C1D: variants seen among roughly 807,000 people sequenced by gnomAD.
C1D encodes the protein C1D nuclear receptor corepressor.
In C1D, 10 loss-of-function variants were observed where a neutral mutation model predicts 17.5. The observed-to-expected ratio is 0.57, with a 90% confidence interval of 0.35 to 0.97. The LOEUF (loss-of-function observed/expected upper bound fraction) is 0.97, where lower values mean the gene tolerates loss of function less well. C1D is among the 50% of genes least tolerant of loss of function. The pLI is 0.01. For synonymous variants in C1D, 49 were observed against 54.0 expected, an observed-to-expected ratio of 0.91 and a Z score of 0.40; for missense variants, 136 against 160.1, an observed-to-expected ratio of 0.85 and a Z score of 0.81.
intron 4 of C1D, 53 bp from the exon 5 acceptor site, chr2:68,043,106 G>C (rs1671017252): frequency 3.0e-6 from 4 of 1,340,802 alleles, no homozygotes; most frequent in Non-Finnish European, 4.1e-6. Flanking sequence ...CGCCACCACT[G>C]AATTTTATTA....
chr2:68,043,896 T>A (rs1285668025), intron 4 of C1D, among the ~76,000 whole-genome samples: 2 of 152,206 alleles, frequency 1.3e-5, no homozygotes, highest in Non-Finnish European at 2.9e-5. Context: ...TCTGTCTGAA[T>A]AAAAAAGCAC....
intron 1 of C1D, 58 bp downstream of exon 1, chr2:68,062,900 G>A (rs928685643): frequency 1.3e-5 from 2 of 152,258 alleles, no homozygotes; most frequent in African/African-American, 4.8e-5. Flanking sequence ...CCCAGGAGAG[G>A]AAAAGCGGAG....
chr2:68,062,031 TAC>T (rs1472945546), intron 1 of C1D, among the ~76,000 whole-genome samples: 3 of 152,276 alleles, frequency 2.0e-5, no homozygotes, highest in African/African-American at 4.8e-5. Context: ...GAATCAAAAA[TAC>T]AGAGTTAAAT....
intron 1 of C1D, among the ~76,000 whole-genome samples, chr2:68,058,850 G>A (rs1671536928): frequency 6.6e-6 from 1 of 152,122 alleles, no homozygotes. Flanking sequence ...TGGAGCTACC[G>A]AACATGGGGC....
chr2:68,044,380 T>C (rs906218296), intron 4 of C1D, among the ~76,000 whole-genome samples: 2 of 152,200 alleles, frequency 1.3e-5, no homozygotes, highest in African/African-American at 4.8e-5. Flanking sequence ...GCAAATAAGT[T>C]TCCTATCATA....
chr2:68,050,592 G>A (rs1012134767), intron 1 of C1D, among the ~76,000 whole-genome samples: 2 of 152,088 alleles, frequency 1.3e-5, no homozygotes, highest in Non-Finnish European at 2.9e-5. Flanking sequence ...CTATCTCACT[G>A]GCTCCTTTCT....
At chr2:68,050,421 C>T (rs895492646) in intron 1 of C1D, among the ~76,000 whole-genome samples, 3 of 152,176 alleles carry the variant, frequency 2.0e-5, no homozygotes, top group Non-Finnish European at 4.4e-5. Flanking sequence ...CCTTTCCTTC[C>T]ATCCTTTCTC....
At chr2:68,052,859 C>G (rs969835132) in intron 1 of C1D, among the ~76,000 whole-genome samples, 1 of 152,152 alleles carries the variant, frequency 6.6e-6, no homozygotes, top group Non-Finnish European at 1.5e-5. Flanking sequence ...CTTAGCTACT[C>G]TGACCCCAGG....
At chr2:68,061,295 G>A (rs1327425573) in intron 1 of C1D, among the ~76,000 whole-genome samples, 1 of 152,178 alleles carries the variant, frequency 6.6e-6, no homozygotes, top group Non-Finnish European at 1.5e-5. Flanking sequence ...CCATGTTAGT[G>A]TTGTCTGTAA....
chr2:68,050,123 C>G lies in C1D; in HGVS notation c.-9-2804G>C, dbSNP rs1671238894. Among the ~76,000 whole-genome samples, 3 of 152,160 alleles carry G rather than the reference C, an allele frequency of 2.0e-5. No homozygotes were observed. In the South Asian group the frequency reaches 6.2e-4, roughly 32 times the overall value. The stretch of plus-strand genomic sequence containing the variant: ...TTTAAAATGCACATACCCTTTGACT[C>G]AGGAAATCCTTTTAAGAATCTAGCC... On this transcript the variant is annotated intron_variant, in intron 1 of 4. Transcript: ENST00000410067.
At chr2:68,046,123 C>A in intron 3 of C1D, 80 bp from the exon 4 acceptor site, 2 of 1,041,550 alleles carry the variant, frequency 1.9e-6, no homozygotes, top group Admixed American at 2.8e-5. Context: ...TAGTTATTCA[C>A]AAAAAAGGAA....
At chr2:68,053,873 C>G (rs888205248) in intron 1 of C1D, among the ~76,000 whole-genome samples, 6 of 152,210 alleles carry the variant, frequency 3.9e-5, no homozygotes, top group African/African-American at 1.2e-4. Flanking sequence ...CGCTGCTTAT[C>G]TTTGGAGGTA....
At chr2:68,047,778 A>G (rs1671173858) in intron 1 of C1D, among the ~76,000 whole-genome samples, 1 of 152,228 alleles carries the variant, frequency 6.6e-6, no homozygotes, top group African/African-American at 2.4e-5. Context: ...AGACATGATG[A>G]CCAAACATGA....
At position 68,041,465 on chromosome 2, in the gene C1D, G is replaced by A. The variant is rs1194426335; in HGVS notation, c.*1424C>T. On this transcript the variant is annotated 3_prime_UTR_variant, in exon 5 of 5. Transcript: ENST00000410067. ...AACAGTAACACATTTCTCTCATGAA[G>A]AGGTTATTTTTAAAAATAGCTAGAA... 1 of 151,950 alleles carries A rather than the reference G, an allele frequency of 6.6e-6. No individual in the cohort carries two copies. Among genetic ancestry groups the A allele is most frequent in the African/African-American group, 2.4e-5 (1 of 41,426 alleles). 9.4% of individuals were successfully genotyped at this position (151,950 alleles called of 1,614,324 possible).
chr2:68,059,749 C>A (rs1228140857), intron 1 of C1D, among the ~76,000 whole-genome samples: 1 of 152,212 alleles, frequency 6.6e-6, no homozygotes, highest in Non-Finnish European at 1.5e-5. Context: ...CTCAGTCTGT[C>A]TCATTTGGTG....
At chr2:68,053,010 A>G in intron 1 of C1D, 1 of 1,541,134 alleles carries the variant, frequency 6.5e-7, no homozygotes. Context: ...AAGTTAAAGA[A>G]CATGCCTAAA....
intron 1 of C1D, among the ~76,000 whole-genome samples, chr2:68,058,188 A>C (rs530667251): frequency 6.6e-6 from 1 of 152,368 alleles, no homozygotes; most frequent in African/African-American, 2.4e-5. Flanking sequence ...CCAGACACTA[A>C]GGACTCTCTT....
chr2:68,052,923 T>C, intron 1 of C1D: 2 of 1,169,020 alleles, frequency 1.7e-6, no homozygotes, highest in East Asian at 2.6e-5. Context: ...GCACTGATTA[T>C]GTGCCAGGCA....
intron 1 of C1D, among the ~76,000 whole-genome samples, chr2:68,061,967 T>C (rs77386336): frequency 0.021 from 3,143 of 152,330 alleles, 101 homozygotes; most frequent in African/African-American, 0.072. Context: ...TTCTATCATT[T>C]CCACCAAACA....
Sources: gnomAD v4.1 joint callset for allele counts (sites outside exome capture counted in the v4.1 genomes callset) on GRCh38, gnomAD v4.1.1 for gene constraint, MANE v1.5 for transcripts, NCBI Gene and HGNC (gene_info 2026-07-23, HGNC 2026-07-21) for gene names.